The following LARGE1 variants were observed in gnomAD, a reference collection of about 807,000 sequenced individuals.
LARGE1 encodes the protein xylosyl- and glucuronyltransferase LARGE1.
Under a neutral mutation model 87.6 loss-of-function variants are expected in LARGE1, and 43 were observed. The observed-to-expected ratio is 0.49, with a 90% CI of 0.38 to 0.63. LARGE1 has a LOEUF of 0.63. Among genes scored for constraint, LARGE1 ranks in the 30% least tolerant of loss-of-function variants. The probability of loss-of-function intolerance (pLI) is 0.00; values close to 1 mark genes in which losing one functional copy is unlikely to be tolerated. For missense variants in LARGE1, 802 were observed against 1,000.2 expected, an observed-to-expected ratio of 0.80 and a Z score of 2.67; for synonymous variants, 434 against 394.6, an observed-to-expected ratio of 1.10 and a Z score of -1.18.
At chr22:33,537,807 G>T (rs1196282180) in intron 6 of LARGE1, among the ~76,000 whole-genome samples, 1 of 152,030 alleles carries the variant, frequency 6.6e-6, no homozygotes, top group Non-Finnish European at 1.5e-5. Flanking sequence ...TCCTGACCTC[G>T]TGATCCACCC....
chr22:33,784,726 CAG>C (rs1275750416), intron 1 of LARGE1, among the ~76,000 whole-genome samples: 1 of 151,910 alleles, frequency 6.6e-6, no homozygotes, highest in Non-Finnish European at 1.5e-5. Context: ...TACACACATA[CAG>C]AGTTTATATT....
chr22:33,657,937 GA>G (rs201427735), intron 2 of LARGE1, among the ~76,000 whole-genome samples: 7,119 of 140,892 alleles, frequency 0.051, 494 homozygotes, highest in African/African-American at 0.15. Context: ...TTTGACTAAT[GA>G]AAAAAAAAAA....
intron 2 of LARGE1, among the ~76,000 whole-genome samples, chr22:33,690,092 G>T (rs1366576989): frequency 3.3e-5 from 5 of 152,316 alleles, no homozygotes; most frequent in East Asian, 1.9e-4. Context: ...GCTCCGCAGG[G>T]TATGAAGGGT....
chr22:33,636,361 C>T (rs1195429742), intron 3 of LARGE1, among the ~76,000 whole-genome samples: 1 of 152,112 alleles, frequency 6.6e-6, no homozygotes, highest in African/African-American at 2.4e-5. Flanking sequence ...AGTGTAGCGC[C>T]ATGTTATGGT....
intron 2 of LARGE1, among the ~76,000 whole-genome samples, chr22:33,692,028 C>T (rs909062681): frequency 1.3e-5 from 2 of 152,078 alleles, no homozygotes; most frequent in African/African-American, 4.8e-5. Context: ...CGGAACCAAT[C>T]TCCTATTATT....
At chr22:33,631,243 C>T (rs921606661) in intron 3 of LARGE1, among the ~76,000 whole-genome samples, 1 of 152,002 alleles carries the variant, frequency 6.6e-6, no homozygotes, top group Non-Finnish European at 1.5e-5. Context: ...TCACAGAACA[C>T]GACAGCCTCG....
chr22:33,754,738 C>A (rs968699426), intron 2 of LARGE1, among the ~76,000 whole-genome samples: 2 of 152,196 alleles, frequency 1.3e-5, no homozygotes, highest in Non-Finnish European at 2.9e-5. Context: ...TCCATAATAT[C>A]CTTACTAAAT....
At chr22:33,630,749 C>A (rs1240989838) in intron 3 of LARGE1, among the ~76,000 whole-genome samples, 1 of 152,118 alleles carries the variant, frequency 6.6e-6, no homozygotes. Flanking sequence ...AAACATGGTA[C>A]ACTTAGACTA....
intron 11 of LARGE1, among the ~76,000 whole-genome samples, chr22:33,240,031 G>A (rs1178781967): frequency 6.6e-6 from 1 of 152,160 alleles, no homozygotes; most frequent in Non-Finnish European, 1.5e-5. Context: ...GAAAAGCCTA[G>A]TCATCGTGGA....
At chr22:33,764,103 C>T (rs2084823383) in intron 1 of LARGE1, among the ~76,000 whole-genome samples, 1 of 152,000 alleles carries the variant, frequency 6.6e-6, no homozygotes, top group Non-Finnish European at 1.5e-5. Flanking sequence ...CCACCTCGGC[C>T]TCCCAAAGTG....
chr22:33,545,384 G>T (rs1369088551), intron 6 of LARGE1, among the ~76,000 whole-genome samples: 1 of 147,888 alleles, frequency 6.8e-6, no homozygotes, highest in Non-Finnish European at 1.5e-5. Context: ...CTCCCAAGTA[G>T]CTGGGACTAC....
At chr22:33,379,720 G>A (rs754563548) in intron 9 of LARGE1, among the ~76,000 whole-genome samples, 1 of 152,064 alleles carries the variant, frequency 6.6e-6, no homozygotes, top group African/African-American at 2.4e-5. Flanking sequence ...ACCAAACACC[G>A]CATGTTCTCA....
intron 1 of LARGE1, among the ~76,000 whole-genome samples, chr22:33,873,882 T>A (rs957100729): frequency 3.3e-5 from 5 of 151,770 alleles, no homozygotes; most frequent in African/African-American, 1.2e-4. Flanking sequence ...CCTCCACCTC[T>A]TCTTCCTCCT....
intron 2 of LARGE1, among the ~76,000 whole-genome samples, chr22:33,715,558 G>A (rs1287155336): frequency 2.6e-5 from 4 of 152,196 alleles, no homozygotes; most frequent in Admixed American, 6.5e-5. Context: ...ACTGTCTACA[G>A]CAGTGGCTCC....
chr22:33,590,557 A>G (rs738971), intron 5 of LARGE1, among the ~76,000 whole-genome samples: 92,541 of 152,084 alleles, frequency 0.61, 28,928 homozygotes, highest in African/African-American at 0.77. Context: ...GTCCCTTGCT[A>G]GGCAGTCCCA....
At chr22:33,685,056 G>A (rs1421628639) in intron 2 of LARGE1, among the ~76,000 whole-genome samples, 9 of 152,142 alleles carry the variant, frequency 5.9e-5, no homozygotes, top group Admixed American at 3.9e-4. Flanking sequence ...GATGAGATGG[G>A]ATGGAAACAC....
rs1282850884 is a variant in LARGE1, at chr22:33,481,174, G to A, written c.788-48909C>T. Reference sequence around the variant, plus strand: ...TGATTTATACTTCTTCCAGCAAGGAGAAGTATTTACATTTTTCATACCTTT... The same window carrying A: ...TGATTTATACTTCTTCCAGCAAGGAAAAGTATTTACATTTTTCATACCTTT... On this transcript the variant is annotated intron_variant, in intron 6 of 14. Coordinates refer to ENST00000397394, the MANE Select transcript of LARGE1 (RefSeq NM_133642.5). 2.0e-5 allele frequency among the ~76,000 whole-genome samples: 3 copies of A among 149,478 alleles called. No homozygotes were observed. In the East Asian group the frequency reaches 5.9e-4, roughly 29 times the overall value.
At chr22:33,446,505 G>A (rs1441275553) in intron 6 of LARGE1, among the ~76,000 whole-genome samples, 1 of 152,190 alleles carries the variant, frequency 6.6e-6, no homozygotes, top group Non-Finnish European at 1.5e-5. Flanking sequence ...GGTAGTTAGG[G>A]TCAGAAGTGA....
In LARGE1 at chr22:33,359,420, C is replaced by T. The variant is rs192743512; in HGVS notation, c.1132-21619G>A. Among the ~76,000 whole-genome samples the T allele has an allele frequency of 2.6e-3, 403 of 152,262 alleles. 1 individual carries two copies. The highest frequency in any genetic ancestry group is 2.9e-3 in the Non-Finnish European group (195 of 68,024). On this transcript the variant is annotated intron_variant, in intron 9 of 14. Coordinates refer to ENST00000397394, the MANE Select transcript of LARGE1 (RefSeq NM_133642.5). ...GTGAGGTCATGCCTGGAACACCATT[C>T]CCAGCCAATCATCCTGGAAAACTCC...
Sources: gnomAD v4.1 joint callset for allele counts (sites outside exome capture counted in the v4.1 genomes callset) on GRCh38, gnomAD v4.1.1 for gene constraint, MANE v1.5 for transcripts, NCBI Gene and HGNC (gene_info 2026-07-23, HGNC 2026-07-21) for gene names.